The following AK5 variants were observed in gnomAD, a reference collection of about 807,000 sequenced individuals.
AK5 encodes the protein adenylate kinase 5.
A neutral mutation model predicts 69.5 loss-of-function variants in AK5; 27 were observed. That is an observed-to-expected ratio of 0.39 (90% CI 0.29 to 0.54). AK5 has a LOEUF of 0.54. AK5 is among the 20% of genes least tolerant of loss of function. The probability of loss-of-function intolerance (pLI) is 0.71; values close to 1 mark genes in which losing one functional copy is unlikely to be tolerated. For missense variants in AK5, 531 were observed against 700.4 expected (o/e 0.76, Z 2.73); for synonymous variants, 260 against 244.4 (o/e 1.06, Z -0.60).
intron 6 of AK5, among the ~76,000 whole-genome samples, chr1:77,366,535 C>G (rs917696921): frequency 6.6e-6 from 1 of 152,122 alleles, no homozygotes; most frequent in Non-Finnish European, 1.5e-5. Flanking sequence ...GATGCAAAGC[C>G]CATGCCTGGT....
chr1:77,541,503 T>G (rs980165193), intron 13 of AK5, among the ~76,000 whole-genome samples: 7 of 152,196 alleles, frequency 4.6e-5, no homozygotes, highest in African/African-American at 1.7e-4. Flanking sequence ...TCACCACATC[T>G]TTTTGCTGTG....
At chr1:77,285,181 T>C (rs1320341174) in intron 1 of AK5, among the ~76,000 whole-genome samples, 1 of 152,194 alleles carries the variant, frequency 6.6e-6, no homozygotes, top group Non-Finnish European at 1.5e-5. Flanking sequence ...CACACAGGGC[T>C]GAGAATGCAC....
intron 6 of AK5, among the ~76,000 whole-genome samples, chr1:77,367,763 AATATATGTTATATATAATATATGTT>A (rs1557533795): frequency 0.067 from 409 of 6,076 alleles, 24 homozygotes; most frequent in East Asian, 0.093. Context: ...TGTTATATAT[AATATATGTTATATATAATATATGTT>A]ATATATGTTA....
intron 6 of AK5, among the ~76,000 whole-genome samples, chr1:77,391,390 A>AAT (rs35685699): frequency 0.015 from 2,065 of 141,472 alleles, 51 homozygotes; most frequent in African/African-American, 0.046. Context: ...CAAAAAAAAA[A>AAT]ATATATATAT....
chr1:77,288,078 AAC>A lies in AK5; in HGVS notation c.247+955_247+956del, dbSNP rs113188458. Among the ~76,000 whole-genome samples, 956 of 152,366 alleles carry A rather than the reference AAC, an allele frequency of 6.3e-3. 10 individuals are homozygous for A. The highest frequency in any genetic ancestry group is 0.021 in the African/African-American group (890 of 41,582). On this transcript the variant is annotated intron_variant, in intron 2 of 13. Coordinates refer to ENST00000354567, the MANE Select transcript of AK5 (RefSeq NM_174858.3). ...TCTACTGAATGCAATGTATTAATCT[AAC>A]ACATTAATCTAATCTAGGCATTTGG... is the stretch of plus-strand genomic sequence containing the variant.
chr1:77,397,658 G>A (rs570924771), intron 6 of AK5, among the ~76,000 whole-genome samples: 1 of 152,310 alleles, frequency 6.6e-6, no homozygotes, highest in East Asian at 1.9e-4. Context: ...ACTTTGGGAA[G>A]CCAAAGCAGG....
At chr1:77,374,743 C>T (rs1014676047) in intron 6 of AK5, among the ~76,000 whole-genome samples, 2 of 151,400 alleles carry the variant, frequency 1.3e-5, no homozygotes, top group Non-Finnish European at 2.9e-5. Context: ...TTGCTTGAGC[C>T]CAGGAGTTCA....
chr1:77,525,652 A>G (rs946167892), intron 12 of AK5, among the ~76,000 whole-genome samples: 4 of 152,052 alleles, frequency 2.6e-5, no homozygotes, highest in African/African-American at 9.7e-5. Context: ...TGACCCAAAC[A>G]CCTCCAACTG....
intron 1 of AK5, chr1:77,283,179 C>A: frequency 1.0e-6 from 1 of 985,560 alleles, no homozygotes; most frequent in Non-Finnish European, 1.2e-6. Flanking sequence ...GAGGAATGAA[C>A]CTTGGTCTGT....
chr1:77,536,799 C>G (rs1658997640), intron 13 of AK5, among the ~76,000 whole-genome samples: 1 of 152,166 alleles, frequency 6.6e-6, no homozygotes, highest in Admixed American at 6.5e-5. Context: ...GCCTCAATTT[C>G]TTGTGATAAC....
In AK5 at chr1:77,376,433, C is replaced by CAAAAAAAAA. The variant is rs757594684; in HGVS notation, c.892-34539_892-34531dup. Among the ~76,000 whole-genome samples, 26 of 13,432 alleles carry CAAAAAAAAA rather than the reference C, an allele frequency of 1.9e-3. 2 individuals carry two copies. The highest frequency in any genetic ancestry group is 5.3e-3 in the African/African-American group (21 of 3,944). 8.8% of individuals were successfully genotyped at this position (13,432 alleles called of 152,430 possible). On this transcript the variant is annotated intron_variant, in intron 6 of 13. Transcript: ENST00000354567. ...GTGAGCACTTCAGTGCACTCAATGCCAAAAAAAAAAAAAAAAACAAAAAAA... is the reference window on the plus strand; with the variant it reads ...GTGAGCACTTCAGTGCACTCAATGCCAAAAAAAAAAAAAAAAAAAAAAAAAACAAAAAAA...
At chr1:77,534,357 G>T (rs1658837955) in intron 12 of AK5, among the ~76,000 whole-genome samples, 1 of 152,138 alleles carries the variant, frequency 6.6e-6, no homozygotes. Flanking sequence ...TCATAACACA[G>T]ATCATACCAC....
chr1:77,378,143 C>T (rs1282892696), intron 6 of AK5, among the ~76,000 whole-genome samples: 2 of 152,196 alleles, frequency 1.3e-5, no homozygotes, highest in Non-Finnish European at 2.9e-5. Context: ...TCCACGTAAG[C>T]TGTTTGAGAC....
chr1:77,290,171 G>T lies in AK5; in HGVS notation c.247+3044G>T, dbSNP rs765904699. On this transcript the variant is annotated intron_variant, in intron 2 of 13. Coordinates refer to ENST00000354567, the MANE Select transcript of AK5 (RefSeq NM_174858.3). ...GGTGGTAAGAATGTTGCATCACACG[G>T]TCTTGTATCTGAAAGGTATGCTAAA... Among the ~76,000 whole-genome samples the T allele has an allele frequency of 5.3e-5, 8 of 152,236 alleles. 1 individual carries two copies. The highest frequency in any genetic ancestry group is 1.9e-4 in the African/African-American group (8 of 41,546).
At chr1:77,499,621 C>T (rs1185033000) in intron 10 of AK5, among the ~76,000 whole-genome samples, 3 of 152,020 alleles carry the variant, frequency 2.0e-5, no homozygotes, top group African/African-American at 4.8e-5. Context: ...TTTTGGAAGT[C>T]CTCAGCATGG....
chr1:77,534,296 T>C lies in AK5; in HGVS notation c.1429-1551T>C, dbSNP rs1486117502. Among the ~76,000 whole-genome samples the C allele has an allele frequency of 2.6e-5, 4 of 152,192 alleles. 1 individual carries two copies. The highest frequency in any genetic ancestry group is 9.7e-5 in the African/African-American group (4 of 41,444). On this transcript the variant is annotated intron_variant, in intron 12 of 13. Coordinates refer to ENST00000354567, the MANE Select transcript of AK5 (RefSeq NM_174858.3). Reference sequence around the variant, plus strand: ...GTTGGAGGAGGATGCAAAGTAAGCATGTCCCAGAGACAAAAGAACATTTAA... The same window carrying C: ...GTTGGAGGAGGATGCAAAGTAAGCACGTCCCAGAGACAAAAGAACATTTAA...
At chr1:77,340,860 G>A (rs1246164617) in intron 6 of AK5, 1 of 262,752 alleles carries the variant, frequency 3.8e-6, no homozygotes, top group South Asian at 7.3e-5. Flanking sequence ...TAACTGTCTG[G>A]GTGATTGTAA....
chr1:77,297,974 T>A (rs775757390), intron 5 of AK5, 27 bp downstream of exon 5: 7 of 1,511,568 alleles, frequency 4.6e-6, no homozygotes, highest in Non-Finnish European at 6.3e-6. Context: ...ATATTTTAAA[T>A]GAACTACTTT....
chr1:77,543,495 T>C (rs1420570819), intron 13 of AK5, among the ~76,000 whole-genome samples: 1 of 151,828 alleles, frequency 6.6e-6, no homozygotes, highest in African/African-American at 2.4e-5. Context: ...ATAATAATTA[T>C]TTTTCTACCA....
Sources: gnomAD v4.1 joint callset for allele counts (sites outside exome capture counted in the v4.1 genomes callset) on GRCh38, gnomAD v4.1.1 for gene constraint, MANE v1.5 for transcripts, NCBI Gene and HGNC (gene_info 2026-07-23, HGNC 2026-07-21) for gene names.